Variants in MYRFL observed in about 807,000 individuals in gnomAD.
The protein encoded by MYRFL is myelin regulatory factor like, also known as myelin regulatory factor-like protein.
Under a neutral mutation model 109.4 loss-of-function variants are expected in MYRFL, and 88 were observed. The observed-to-expected ratio is 0.80, with a 90% CI of 0.68 to 0.96. The LOEUF is 0.96. Ranked by LOEUF, MYRFL falls within the 40% of genes least tolerant of loss-of-function variation. MYRFL has a pLI of 0.00. For missense variants in MYRFL, 957 were observed against 954.9 expected (o/e 1.00, Z -0.03); for synonymous variants, 324 against 320.9 (o/e 1.01, Z -0.10).
At chr12:69,836,096 G>A (rs957399138) in intron 1 of MYRFL, among the ~76,000 whole-genome samples, 1 of 152,196 alleles carries the variant, frequency 6.6e-6, no homozygotes, top group African/African-American at 2.4e-5. Flanking sequence ...CGCAGCAGGT[G>A]GGGGAACCAG....
intron 16 of MYRFL, among the ~76,000 whole-genome samples, chr12:69,935,209 A>AATG (rs1387352378): frequency 5.9e-5 from 9 of 151,978 alleles, no homozygotes; most frequent in Admixed American, 6.5e-5. Flanking sequence ...TGTGTATCCT[A>AATG]ATGATGGTAA....
chr12:69,910,095 C>G lies in MYRFL; in HGVS notation c.1492+18C>G. The G allele has an allele frequency of 1.4e-6, 2 of 1,462,420 alleles. No homozygotes were observed. The highest frequency in any genetic ancestry group is 1.8e-6 in the Non-Finnish European group (2 of 1,104,566). 90.6% of individuals were successfully genotyped at this position (1,462,420 alleles called of 1,614,324 possible). ...TCAAACAGGTACACACACAAATTCC[C>G]CTTTTAATTTTGTATTGCCAACTAT... On this transcript the variant is annotated intron_variant, in intron 12 of 24. Coordinates refer to ENST00000552032, the MANE Select transcript of MYRFL (RefSeq NM_182530.3).
intron 10 of MYRFL, 67 bp from the exon 11 acceptor site, chr12:69,903,577 A>G (rs1954257809): frequency 6.8e-7 from 1 of 1,464,402 alleles, no homozygotes; most frequent in South Asian, 1.3e-5. Flanking sequence ...TTTGCTCTGA[A>G]CACTAATGTG....
rs1206697789 is a variant in MYRFL at position 69,897,221 on chromosome 12, A to G, written c.1157A>G (p.His386Arg). 6.5e-7 allele frequency: 1 copy of G among 1,535,802 alleles called. No individual in the cohort carries two copies. Among genetic ancestry groups the G allele is most frequent in the Non-Finnish European group, 8.7e-7 (1 of 1,146,644 alleles). ...NQDQFYLLSAHISERIIVRAS... is the reference protein window; with the variant it reads ...NQDQFYLLSARISERIIVRAS... ...GACCAGTTCTATCTGTTGTCTGCCC[A>G]CATCTCTGAAAGGATCATTGTAAGG... The change falls in exon 10 of 25, where the codon CAC (histidine) becomes CGC (arginine). Residue 386 changes from histidine to arginine, a missense_variant. Coordinates refer to ENST00000552032, the MANE Select transcript of MYRFL (RefSeq NM_182530.3).
chr12:69,865,766 C>T (rs1008358889), intron 2 of MYRFL, among the ~76,000 whole-genome samples: 3 of 152,148 alleles, frequency 2.0e-5, no homozygotes, highest in African/African-American at 4.8e-5. Flanking sequence ...TACCCATAGG[C>T]TTCCCCCTTG....
At position 69,895,349 on chromosome 12, in the gene MYRFL, T is replaced by TC. The variant is rs1415700780; in HGVS notation, c.981-22_981-21insC. On this transcript the variant is annotated intron_variant, in intron 8 of 24. Coordinates refer to ENST00000552032, the MANE Select transcript of MYRFL (RefSeq NM_182530.3). ...TGTTCTCTTATAGTCTCTTGGTTTTTTTTTTTTGCTGTTTGTTTTAGAATT... is the reference window on the plus strand; with the variant it reads ...TGTTCTCTTATAGTCTCTTGGTTTTTCTTTTTTTGCTGTTTGTTTTAGAATT... The TC allele has an allele frequency of 1.1e-5, 16 of 1,497,566 alleles. No individual in the cohort carries two copies. The South Asian group carries it at 1.8e-4, about 17-fold the overall frequency. The allele number at this position is 1,497,566 out of a possible 1,614,324, so 92.8% of individuals were successfully genotyped here.
intron 2 of MYRFL, among the ~76,000 whole-genome samples, chr12:69,877,862 A>G (rs1885784541): frequency 6.6e-6 from 1 of 152,216 alleles, no homozygotes; most frequent in Admixed American, 6.5e-5. Context: ...GCAGCATCAC[A>G]GAGATGCTGA....
At position 69,825,565 on chromosome 12, in the gene MYRFL, T is replaced by C; in HGVS notation, c.46+2T>C. ...AGGCCCTGCAGCAGTTCTTTGAAGG[T>C]AAGAGGCCAATTTCCAGCATGAATT... On this transcript the variant is annotated splice_donor_variant, in intron 1 of 24. Transcript: ENST00000552032. LOFTEE classifies it high-confidence loss of function. 1 of 701,674 alleles carries C rather than the reference T, an allele frequency of 1.4e-6. No individual in the cohort carries two copies. The highest frequency in any genetic ancestry group is 2.7e-5 in the East Asian group (1 of 37,270). The allele number at this position is 701,674 out of a possible 1,614,324, so 43.5% of individuals were successfully genotyped here.
At chr12:69,827,110 G>A (rs916914126) in intron 1 of MYRFL, among the ~76,000 whole-genome samples, 2 of 151,932 alleles carry the variant, frequency 1.3e-5, no homozygotes, top group Non-Finnish European at 2.9e-5. Flanking sequence ...CTATTGATAT[G>A]TTAACTGTTT....
At chr12:69,925,230 A>C (rs924984313) in intron 13 of MYRFL, among the ~76,000 whole-genome samples, 1 of 152,132 alleles carries the variant, frequency 6.6e-6, no homozygotes, top group Non-Finnish European at 1.5e-5. Flanking sequence ...CAGACACTGG[A>C]GAGTGCAGGG....
At chr12:69,895,737 A>G (rs1226575335) in intron 9 of MYRFL, among the ~76,000 whole-genome samples, 1 of 152,086 alleles carries the variant, frequency 6.6e-6, no homozygotes, top group African/African-American at 2.4e-5. Context: ...GATTGCCTCC[A>G]TGTTTTTCTA....
intron 2 of MYRFL, among the ~76,000 whole-genome samples, chr12:69,859,435 A>C (rs1884500214): frequency 6.6e-6 from 1 of 152,204 alleles, no homozygotes; most frequent in African/African-American, 2.4e-5. Flanking sequence ...AGTGACAGAA[A>C]TGTTGAAGTC....
At chr12:69,945,911 CG>C (rs1955821215) in intron 19 of MYRFL, among the ~76,000 whole-genome samples, 1 of 127,834 alleles carries the variant, frequency 7.8e-6, no homozygotes, top group Non-Finnish European at 1.6e-5. Context: ...GGCGTGAACC[CG>C]GGAGGCGGAG....
At chr12:69,903,214 GC>G (rs1221875124) in intron 10 of MYRFL, among the ~76,000 whole-genome samples, 1 of 152,186 alleles carries the variant, frequency 6.6e-6, no homozygotes, top group Non-Finnish European at 1.5e-5. Context: ...AATAGGGCTA[GC>G]TAAATGCAAG....
rs369133471 is a variant in MYRFL, at chr12:69,936,777, C to T, written c.2224+145C>T. 20 of 686,188 alleles carry T rather than the reference C, an allele frequency of 2.9e-5. No homozygotes were observed. The East Asian group carries it at 5.3e-4, about 18-fold the overall frequency. The allele number at this position is 686,188 out of a possible 1,614,324, so 42.5% of individuals were successfully genotyped here. A position where few individuals can be genotyped will look rare whatever the true frequency, so the allele number is the denominator to read the frequency against. ...TGGCAAAATCTTTAAAACACAAATACACAACTGCCAATCATCTGTAATATT... is the reference window on the plus strand; with the variant it reads ...TGGCAAAATCTTTAAAACACAAATATACAACTGCCAATCATCTGTAATATT... On this transcript the variant is annotated intron_variant, in intron 19 of 24. Transcript: ENST00000552032.
chr12:69,921,807 A>G (rs1440008605), intron 13 of MYRFL, among the ~76,000 whole-genome samples: 2 of 152,202 alleles, frequency 1.3e-5, no homozygotes, highest in East Asian at 3.9e-4. Context: ...GCCTTTTATC[A>G]TTATTGACAA....
rs375152649 is a variant in MYRFL, at chr12:69,958,929, CAT to C, written c.*400_*401del. On this transcript the variant is annotated 3_prime_UTR_variant, in exon 25 of 25. Coordinates refer to ENST00000552032, the MANE Select transcript of MYRFL (RefSeq NM_182530.3). ...GCCATGTCGACTTCGGCCCACTAAACATAGACTCTTGAGAATGTGTGATATGG... is the reference window on the plus strand; with the variant it reads ...GCCATGTCGACTTCGGCCCACTAAACAGACTCTTGAGAATGTGTGATATGG... The C allele has an allele frequency of 5.2e-6, 1 of 192,476 alleles. No individual in the cohort carries two copies. 11.9% of individuals were successfully genotyped at this position (192,476 alleles called of 1,614,324 possible).
chr12:69,870,962 T>G (rs1885316597), intron 2 of MYRFL, among the ~76,000 whole-genome samples: 1 of 152,122 alleles, frequency 6.6e-6, no homozygotes, highest in African/African-American at 2.4e-5. Flanking sequence ...TGATTTTCAG[T>G]TTTTATTACA....
intron 13 of MYRFL, among the ~76,000 whole-genome samples, chr12:69,913,267 T>A (rs1312225830): frequency 1.3e-5 from 2 of 152,230 alleles, no homozygotes; most frequent in Non-Finnish European, 2.9e-5. Flanking sequence ...CTTTTCACTT[T>A]CTTAATAGTG....
Sources: allele counts gnomAD v4.1 joint callset (sites outside exome capture counted in the v4.1 genomes callset), GRCh38; gene constraint gnomAD v4.1.1; transcripts MANE v1.5; gene names NCBI Gene and HGNC (gene_info 2026-07-23, HGNC 2026-07-21).